The following SP4 variants were observed in gnomAD, a reference collection of about 807,000 sequenced individuals.
SP4 encodes the protein transcription factor Sp4.
SP4 carries 19 observed loss-of-function variants against 72.8 expected under a neutral mutation model. That is an observed-to-expected ratio of 0.26 (90% confidence interval 0.18 to 0.38). The LOEUF (loss-of-function observed/expected upper bound fraction) is 0.38. Ranked by LOEUF, SP4 falls within the 10% of genes least tolerant of loss-of-function variation. SP4 has a pLI of 1.00. For missense variants in SP4, 1,008 were observed against 926.3 expected, an observed-to-expected ratio of 1.09 and a Z score of -1.14; for synonymous variants, 395 against 333.1, an observed-to-expected ratio of 1.19 and a Z score of -2.02.
intron 5 of SP4, among the ~76,000 whole-genome samples, chr7:21,490,118 A>G (rs1001838061): frequency 1.3e-5 from 2 of 152,254 alleles, no homozygotes; most frequent in African/African-American, 2.4e-5. Flanking sequence ...TTAAGTATCT[A>G]AATGAGGACA....
chr7:21,492,194 A>G (rs1225389257), intron 5 of SP4, among the ~76,000 whole-genome samples: 3 of 152,220 alleles, frequency 2.0e-5, no homozygotes, highest in East Asian at 3.8e-4. Flanking sequence ...TTTTACTCTG[A>G]TAATATAGAA....
At chr7:21,485,214 G>A (rs1784780178) in intron 5 of SP4, among the ~76,000 whole-genome samples, 2 of 151,838 alleles carry the variant, frequency 1.3e-5, no homozygotes, top group Admixed American at 6.6e-5. Context: ...ACCATTCGTA[G>A]CAACAACTAT....
intron 5 of SP4, among the ~76,000 whole-genome samples, chr7:21,500,822 A>G (rs903629217): frequency 1.7e-4 from 26 of 152,206 alleles, no homozygotes; most frequent in Non-Finnish European, 3.1e-4. Flanking sequence ...TAATATCCCT[A>G]TATTAAGCTC....
intron 3 of SP4, among the ~76,000 whole-genome samples, chr7:21,475,031 G>T (rs1292686098): frequency 1.3e-5 from 2 of 151,898 alleles, no homozygotes; most frequent in Non-Finnish European, 2.9e-5. Flanking sequence ...ACTTTTTATT[G>T]CCTCTTCTTG....
At chr7:21,503,041 C>A (rs1342339809) in intron 5 of SP4, among the ~76,000 whole-genome samples, 2 of 152,030 alleles carry the variant, frequency 1.3e-5, no homozygotes, top group East Asian at 3.9e-4. Context: ...CCTCATGCAG[C>A]TGTTCGCATG....
Position 21,429,286 on chromosome 7 carries a change from T to C in SP4, c.124-3T>C, listed in dbSNP as rs1375986444. ...CTCTCCTTTACCGTCCCATTTTGGG[T>C]AGGACTCTCAGCCCTCTCCTCTGGC... is the stretch of plus-strand genomic sequence containing the variant. On this transcript the variant is annotated splice_region_variant and splice_polypyrimidine_tract_variant and intron_variant, in intron 2 of 5. Coordinates refer to ENST00000222584, the MANE Select transcript of SP4 (RefSeq NM_003112.5). 1.4e-6 allele frequency: 2 copies of C among 1,422,828 alleles called. No individual in the cohort carries two copies. The highest frequency in any genetic ancestry group is 1.8e-4 in the Middle Eastern group (1 of 5,482). 88.1% of individuals were successfully genotyped at this position (1,422,828 alleles called of 1,614,324 possible).
At position 21,513,417 on chromosome 7, in the gene SP4, G is replaced by A. The variant is rs552797931; in HGVS notation, c.*2148G>A. 2.0e-5 allele frequency: 3 copies of A among 152,526 alleles called. No individual in the cohort carries two copies. The highest frequency in any genetic ancestry group is 4.4e-5 in the Non-Finnish European group (3 of 67,992). The allele number at this position is 152,526 out of a possible 1,614,324, so 9.4% of individuals were successfully genotyped here. On this transcript the variant is annotated 3_prime_UTR_variant, in exon 6 of 6. Coordinates refer to ENST00000222584, the MANE Select transcript of SP4 (RefSeq NM_003112.5). ...AATTGTTTTGTATATTTTATTTAAT[G>A]TACTCTTAACAACTGATGTATCTGG...
At chr7:21,474,881 T>G (rs1451146204) in intron 3 of SP4, among the ~76,000 whole-genome samples, 1 of 152,234 alleles carries the variant, frequency 6.6e-6, no homozygotes, top group Non-Finnish European at 1.5e-5. Flanking sequence ...AATAAATTTT[T>G]TAATGTGCAT....
chr7:21,466,705 A>G (rs1784177560), intron 3 of SP4, among the ~76,000 whole-genome samples: 1 of 152,180 alleles, frequency 6.6e-6, no homozygotes, highest in South Asian at 2.1e-4. Context: ...TTTATAGTTC[A>G]TCTACAGGAA....
chr7:21,466,986 T>C (rs980077810), intron 3 of SP4, among the ~76,000 whole-genome samples: 3 of 152,224 alleles, frequency 2.0e-5, no homozygotes, highest in Non-Finnish European at 4.4e-5. Context: ...ATTTTTCATA[T>C]GTTTTGTTAT....
intron 3 of SP4, among the ~76,000 whole-genome samples, chr7:21,471,783 A>G (rs1784352432): frequency 6.6e-6 from 1 of 152,232 alleles, no homozygotes; most frequent in Non-Finnish European, 1.5e-5. Context: ...ACAGTAAGCC[A>G]TGATTGTGCC....
intron 3 of SP4, among the ~76,000 whole-genome samples, chr7:21,461,499 G>A (rs1453590203): frequency 2.0e-5 from 3 of 152,206 alleles, no homozygotes; most frequent in African/African-American, 2.4e-5. Context: ...CCTCACTGCC[G>A]GGGGCCAGCA....
chr7:21,470,974 CTA>C (rs1784324538), intron 3 of SP4: 2 of 485,608 alleles, frequency 4.1e-6, no homozygotes, highest in Admixed American at 4.6e-5. Context: ...GGATTAAAGA[CTA>C]AAATCTGTAA....
intron 1 of SP4, 144 bp downstream of exon 1, chr7:21,428,402 G>A: frequency 1.5e-6 from 1 of 689,312 alleles, no homozygotes; most frequent in South Asian, 1.6e-5. Flanking sequence ...AATCGGGGAG[G>A]GAAGGAGGGT....
chr7:21,452,281 T>A (rs1264510807), intron 3 of SP4, among the ~76,000 whole-genome samples: 1 of 152,234 alleles, frequency 6.6e-6, no homozygotes, highest in Non-Finnish European at 1.5e-5. Flanking sequence ...GCAAGAATAA[T>A]TATTTGCCAT....
chr7:21,434,458 A>G (rs1206228592), intron 3 of SP4, among the ~76,000 whole-genome samples: 3 of 152,134 alleles, frequency 2.0e-5, no homozygotes, highest in Non-Finnish European at 2.9e-5. Flanking sequence ...GTTCAGTATA[A>G]TGTGTTTCTG....
chr7:21,493,622 C>A (rs1046211061), intron 5 of SP4, among the ~76,000 whole-genome samples: 1 of 152,152 alleles, frequency 6.6e-6, no homozygotes, highest in Non-Finnish European at 1.5e-5. Flanking sequence ...TTGAAAGATA[C>A]AAGCTACCAA....
chr7:21,507,548 A>G (rs1434612853), intron 5 of SP4, among the ~76,000 whole-genome samples: 1 of 152,116 alleles, frequency 6.6e-6, no homozygotes, highest in Non-Finnish European at 1.5e-5. Flanking sequence ...TTCTTCTTTA[A>G]GTGGGAATAT....
intron 4 of SP4, among the ~76,000 whole-genome samples, chr7:21,481,279 G>A (rs1401695821): frequency 6.6e-6 from 1 of 152,138 alleles, no homozygotes; most frequent in Non-Finnish European, 1.5e-5. Flanking sequence ...ACCGGGAGGT[G>A]GGAAGAGTAG....
Sources: allele counts gnomAD v4.1 joint callset (sites outside exome capture counted in the v4.1 genomes callset), GRCh38; gene constraint gnomAD v4.1.1; transcripts MANE v1.5; gene names NCBI Gene and HGNC (gene_info 2026-07-23, HGNC 2026-07-21).